COLGALT1: variants seen among roughly 807,000 people sequenced by gnomAD.
COLGALT1 encodes the protein procollagen galactosyltransferase 1.
In COLGALT1, 43 loss-of-function variants were observed where a neutral mutation model predicts 60.8. That is an observed-to-expected ratio of 0.71 (90% CI 0.55 to 0.91). The LOEUF (loss-of-function observed/expected upper bound fraction) is 0.91. Among genes scored for constraint, COLGALT1 ranks in the 40% least tolerant of loss-of-function variants. COLGALT1 has a pLI of 0.00. For missense variants in COLGALT1, 845 were observed against 880.0 expected (o/e 0.96, Z 0.50); for synonymous variants, 369 against 374.2 (o/e 0.99, Z 0.16).
At position 17,581,169 on chromosome 19, in the gene COLGALT1, C is replaced by T. The variant is rs765453006; in HGVS notation, c.1602-8C>T. ...TGCTGCCCCTCACTCCCCTCCTCCT[C>T]CCCCCAGGTCCGAGTACAAGGCCCA... On this transcript the variant is annotated splice_region_variant and splice_polypyrimidine_tract_variant and intron_variant, in intron 11 of 11. Transcript: ENST00000252599. 188 of 1,602,110 alleles carry T rather than the reference C, an allele frequency of 1.2e-4. No individual in the cohort carries two copies. Among genetic ancestry groups the T allele is most frequent in the Non-Finnish European group, 1.3e-4 (148 of 1,175,452 alleles).
At chr19:17,568,829 G>T in intron 5 of COLGALT1, 116 bp downstream of exon 5, 1 of 996,684 alleles carries the variant, frequency 1.0e-6, no homozygotes, top group East Asian at 2.6e-5. Flanking sequence ...GCAGCGCAGG[G>T]CTGACTTCAG....
intron 3 of COLGALT1, among the ~76,000 whole-genome samples, chr19:17,564,816 G>A (rs2076271213): frequency 6.6e-6 from 1 of 151,852 alleles, no homozygotes; most frequent in Non-Finnish European, 1.5e-5. Flanking sequence ...TATTTGTTTT[G>A]CAACCACCAC....
intron 9 of COLGALT1, 97 bp from the exon 10 acceptor site, chr19:17,579,385 C>T: frequency 6.5e-7 from 1 of 1,545,688 alleles, no homozygotes; most frequent in Non-Finnish European, 8.9e-7. Context: ...ACTGGCTTCT[C>T]TACGGGTCTT....
chr19:17,579,644 GCCT>G, intron 10 of COLGALT1, 35 bp downstream of exon 10: 1 of 1,584,578 alleles, frequency 6.3e-7, no homozygotes, highest in Non-Finnish European at 8.6e-7. Flanking sequence ...TGAAGCTGGG[GCCT>G]GGGGCAAGGC....
chr19:17,577,509 G>C (rs1367620215), intron 8 of COLGALT1, 42 bp downstream of exon 8: 1 of 1,382,296 alleles, frequency 7.2e-7, no homozygotes, highest in Non-Finnish European at 9.5e-7. Flanking sequence ...GTCCGCACGT[G>C]GATGTGGGTG....
At chr19:17,556,096 C>A in intron 1 of COLGALT1, 123 bp downstream of exon 1, 1 of 1,106,502 alleles carries the variant, frequency 9.0e-7, no homozygotes, top group Non-Finnish European at 1.2e-6. Flanking sequence ...GCGCGTGCTT[C>A]CTGCTCGCTA....
In COLGALT1 at chr19:17,579,470, T is replaced by G; in HGVS notation, c.1267-12T>G. ...TGGCCTCCCTGTGATGTGGCGGGGCTTCCTCCCTCAGGTGGTGGACCGGGG... is the reference window on the plus strand; with the variant it reads ...TGGCCTCCCTGTGATGTGGCGGGGCGTCCTCCCTCAGGTGGTGGACCGGGG... On this transcript the variant is annotated splice_polypyrimidine_tract_variant and intron_variant, in intron 9 of 11. Coordinates refer to ENST00000252599, the MANE Select transcript of COLGALT1 (RefSeq NM_024656.4). 1 of 1,612,528 alleles carries G rather than the reference T, an allele frequency of 6.2e-7. No homozygotes were observed. The highest frequency in any genetic ancestry group is 1.1e-5 in the South Asian group (1 of 90,906).
intron 3 of COLGALT1, among the ~76,000 whole-genome samples, chr19:17,563,193 T>C (rs1283303973): frequency 4.1e-5 from 6 of 146,654 alleles, no homozygotes; most frequent in Admixed American, 1.4e-4. Flanking sequence ...GTTTCTTTTT[T>C]TTTTTTTTTT....
chr19:17,555,865 C>T lies in COLGALT1; in HGVS notation c.152C>T (p.Ala51Val), dbSNP rs1302741369. 5.8e-6 allele frequency: 8 copies of T among 1,376,050 alleles called. No homozygotes were observed. In the East Asian group the frequency reaches 2.2e-4, roughly 37 times the overall value. The allele number at this position is 1,376,050 out of a possible 1,614,324, so 85.2% of individuals were successfully genotyped here. A position where few individuals can be genotyped will look rare whatever the true frequency, so the allele number is the denominator to read the frequency against. The change falls in exon 1 of 12, where the codon GCG becomes GTG. Residue 51 changes from alanine to valine, a missense_variant. Transcript: ENST00000252599. ...TGGAGCCCGGAGTCGCCCCTGCAGG[C>T]GCCGCGCGTGCTCATCGCGCTGTTG... ...ERWSPESPLQ[A>V]PRVLIALLAR...
intron 8 of COLGALT1, among the ~76,000 whole-genome samples, 177 bp downstream of exon 8, chr19:17,577,644 C>T (rs941793322): frequency 6.6e-6 from 1 of 152,110 alleles, no homozygotes; most frequent in African/African-American, 2.4e-5. Context: ...GGGGCAGATC[C>T]TCACAGTTGT....
intron 9 of COLGALT1, 39 bp from the exon 10 acceptor site, chr19:17,579,443 C>G (rs962890213): frequency 1.9e-6 from 3 of 1,613,798 alleles, no homozygotes; most frequent in Non-Finnish European, 2.5e-6. Context: ...CAGGCCTGGC[C>G]TTGGCCTCCC....
At chr19:17,556,307 C>CGG (rs2076211076) in intron 1 of COLGALT1, among the ~76,000 whole-genome samples, 1 of 152,240 alleles carries the variant, frequency 6.6e-6, no homozygotes, top group Non-Finnish European at 1.5e-5. Flanking sequence ...AGGGCAGCTC[C>CGG]GGCCTCACTA....
chr19:17,572,714 T>TG, intron 6 of COLGALT1, 112 bp downstream of exon 6: 4 of 1,465,938 alleles, frequency 2.7e-6, no homozygotes, highest in Non-Finnish European at 1.8e-6. Context: ...CAAGTCCCTG[T>TG]GGGGGGTGCT....
chr19:17,565,586 T>C (rs954772970), intron 3 of COLGALT1, among the ~76,000 whole-genome samples: 3 of 151,108 alleles, frequency 2.0e-5, no homozygotes, highest in Non-Finnish European at 2.9e-5. Context: ...AGGAGAATCA[T>C]CTGAACCTAG....
At chr19:17,559,705 G>A (rs2076237016) in intron 2 of COLGALT1, among the ~76,000 whole-genome samples, 1 of 152,008 alleles carries the variant, frequency 6.6e-6, no homozygotes, top group South Asian at 2.1e-4. Flanking sequence ...CTCAGTCTTG[G>A]TCCCAGCACT....
intron 5 of COLGALT1, among the ~76,000 whole-genome samples, chr19:17,569,131 G>C (rs1157037580): frequency 6.6e-6 from 1 of 152,084 alleles, no homozygotes; most frequent in Non-Finnish European, 1.5e-5. Flanking sequence ...AGGATCACTT[G>C]AATATGGGAG....
Position 17,568,558 on chromosome 19 carries a change from G to A in COLGALT1, c.674G>A (p.Arg225His), listed in dbSNP as rs1459747920. Residue 225 changes from arginine (R) to histidine (H), a missense_variant, in exon 5 of 12, where the codon CGC becomes CAC. Coordinates refer to ENST00000252599, the MANE Select transcript of COLGALT1 (RefSeq NM_024656.4). ...TACATCCCTATCCGCAAGCGAGACC[G>A]CCGGGGCTGCTTTGCAGTTCCCATG... The part of the protein sequence containing the change: ...PAYIPIRKRD[R>H]RGCFAVPMVH... 17 of 1,614,056 alleles carry A rather than the reference G, an allele frequency of 1.1e-5. No individual in the cohort carries two copies. The highest frequency in any genetic ancestry group is 4.5e-5 in the East Asian group (2 of 44,896).
chr19:17,581,643 G>A lies in COLGALT1; in HGVS notation c.*199G>A. ...GTGCCTACTGCATGCCAGCAACAGG[G>A]CTTGGCCCTGGGGAATTGGGAGGAA... is the stretch of plus-strand genomic sequence containing the variant. On this transcript the variant is annotated 3_prime_UTR_variant, in exon 12 of 12. Coordinates refer to ENST00000252599, the MANE Select transcript of COLGALT1 (RefSeq NM_024656.4). 1.4e-6 allele frequency: 1 copy of A among 705,478 alleles called. No homozygotes were observed. The highest frequency in any genetic ancestry group is 1.9e-5 in the South Asian group (1 of 52,088). The allele number at this position is 705,478 out of a possible 1,614,324, so 43.7% of individuals were successfully genotyped here. A position where few individuals can be genotyped will look rare whatever the true frequency, so the allele number is the denominator to read the frequency against.
intron 1 of COLGALT1, among the ~76,000 whole-genome samples, 161 bp downstream of exon 1, chr19:17,556,134 C>T (rs1256680379): frequency 6.6e-6 from 1 of 151,940 alleles, no homozygotes; most frequent in African/African-American, 2.4e-5. Context: ...CTACGCATGC[C>T]CCTGCCCGCT....
Sources: gnomAD v4.1 joint callset for allele counts (sites outside exome capture counted in the v4.1 genomes callset) on GRCh38, gnomAD v4.1.1 for gene constraint, MANE v1.5 for transcripts, NCBI Gene and HGNC (gene_info 2026-07-23, HGNC 2026-07-21) for gene names.